SARAF: variants seen among roughly 807,000 people sequenced by gnomAD.
SARAF encodes the protein store-operated calcium entry associated regulatory factor.
A neutral mutation model predicts 39.7 loss-of-function variants in SARAF; 23 were observed. The ratio of observed to expected loss-of-function variants is 0.58; its 90% CI spans 0.42 to 0.82. The LOEUF (loss-of-function observed/expected upper bound fraction) is 0.82, where lower values mean the gene tolerates loss of function less well. Ranked by LOEUF, SARAF falls within the 40% of genes least tolerant of loss-of-function variation. The probability of loss-of-function intolerance (pLI) is 0.00; values close to 1 mark genes in which losing one functional copy is unlikely to be tolerated. For missense variants in SARAF, 384 were observed against 418.5 expected (o/e 0.92, Z 0.72); for synonymous variants, 175 against 168.5 (o/e 1.04, Z -0.30).
chr8:30,069,744 A>G lies in SARAF; in HGVS notation c.598T>C (p.Ser200Pro). 6.2e-7 allele frequency: 1 copy of G among 1,614,124 alleles called. No individual in the cohort carries two copies. The highest frequency in any genetic ancestry group is 2.2e-5 in the East Asian group (1 of 44,872). ...YKLFLSDGQY[S>P]PPPYSEYPPF... ...GGATACTCAGAGTACGGTGGAGGAG[A>G]ATACTGCCCGTCACTCAGGAACAGC... The change falls in exon 3 of 6, where the codon TCT becomes CCT. Residue 200 changes from serine (S) to proline (P), a missense_variant. By Grantham distance (74) the Ser-to-Pro change is moderately conservative. Coordinates refer to ENST00000256255, the MANE Select transcript of SARAF (RefSeq NM_016127.6).
intron 1 of SARAF, chr8:30,082,337 CA>C (rs55898226): frequency 0.93 from 130,585 of 140,284 alleles, 60,957 homozygotes; most frequent in Non-Finnish European, 0.98. Flanking sequence ...GACTCCGACT[CA>C]AAAAAAAAAA....
intron 3 of SARAF, 81 bp from the exon 4 acceptor site, chr8:30,066,999 T>A: frequency 1.4e-6 from 2 of 1,388,508 alleles, no homozygotes; most frequent in Non-Finnish European, 2.0e-6. Flanking sequence ...ACATTTCAAT[T>A]ATTTCATCTG....
intron 1 of SARAF, among the ~76,000 whole-genome samples, chr8:30,080,696 G>A (rs1802077450): frequency 6.6e-6 from 1 of 152,158 alleles, no homozygotes; most frequent in South Asian, 2.1e-4. Flanking sequence ...TCTTTAGAAT[G>A]GTGCTAATTT....
chr8:30,082,527 G>T, intron 1 of SARAF: 1 of 263,230 alleles, frequency 3.8e-6, no homozygotes, highest in Non-Finnish European at 7.3e-6. Flanking sequence ...GCGCAGGTGA[G>T]TGTCCAGCTC....
chr8:30,075,100 A>G (rs1044733051), intron 1 of SARAF, among the ~76,000 whole-genome samples: 1 of 152,140 alleles, frequency 6.6e-6, no homozygotes, highest in Admixed American at 6.5e-5. Flanking sequence ...CAGGAGTTCG[A>G]GACCAGCCTA....
At chr8:30,074,456 C>T (rs1464033516) in intron 1 of SARAF, among the ~76,000 whole-genome samples, 1 of 152,138 alleles carries the variant, frequency 6.6e-6, no homozygotes, top group African/African-American at 2.4e-5. Flanking sequence ...AAGAAATTAA[C>T]ACATTCTGAC....
intron 1 of SARAF, among the ~76,000 whole-genome samples, chr8:30,076,625 A>G (rs533781722): frequency 6.6e-6 from 1 of 152,354 alleles, no homozygotes; most frequent in Admixed American, 6.5e-5. Flanking sequence ...TTAATCCCCA[A>G]TGCAACAGTG....
chr8:30,069,376 G>A (rs1343609110), intron 3 of SARAF, among the ~76,000 whole-genome samples: 4 of 152,018 alleles, frequency 2.6e-5, no homozygotes, highest in Non-Finnish European at 4.4e-5. Flanking sequence ...CCAACCTCAA[G>A]TGATCTGCCC....
Position 30,083,046 on chromosome 8 carries a change from TGGC to T in SARAF, c.-100_-98del. ...CGCTGCGCAGCTACACCGCTACCCC[TGGC>T]GGCGGCGAAGGAACGGCCCGACTGC... On this transcript the variant is annotated 5_prime_UTR_variant, in exon 1 of 6. Coordinates refer to ENST00000256255, the MANE Select transcript of SARAF (RefSeq NM_016127.6). 1 of 925,772 alleles carries T rather than the reference TGGC, an allele frequency of 1.1e-6. No individual in the cohort carries two copies. Among genetic ancestry groups the T allele is most frequent in the Non-Finnish European group, 1.6e-6 (1 of 640,604 alleles). 57.3% of individuals were successfully genotyped at this position (925,772 alleles called of 1,614,324 possible).
At chr8:30,076,064 G>C (rs1230210927) in intron 1 of SARAF, among the ~76,000 whole-genome samples, 4 of 148,236 alleles carry the variant, frequency 2.7e-5, no homozygotes, top group Non-Finnish European at 5.9e-5. Flanking sequence ...ACTACAGGGT[G>C]AAAGCTACTT....
chr8:30,081,322 T>G (rs994060713), intron 1 of SARAF, among the ~76,000 whole-genome samples: 8 of 152,204 alleles, frequency 5.3e-5, no homozygotes, highest in African/African-American at 1.9e-4. Context: ...TTCATAGTTT[T>G]TATAGTTCTT....
At chr8:30,082,711 G>T in intron 1 of SARAF, 136 bp downstream of exon 1, 1 of 626,362 alleles carries the variant, frequency 1.6e-6, no homozygotes, top group Non-Finnish European at 2.7e-6. Flanking sequence ...AGCACGAACA[G>T]CAAAGAGGTC....
Position 30,063,826 on chromosome 8 carries a change from A to AG in SARAF, c.*61_*62insC. 6.9e-7 allele frequency: 1 copy of AG among 1,444,038 alleles called. No homozygotes were observed. Among genetic ancestry groups the AG allele is most frequent in the East Asian group, 2.3e-5 (1 of 43,988 alleles). 89.5% of individuals were successfully genotyped at this position (1,444,038 alleles called of 1,614,324 possible). ...TGTTAACAGGTAGTACTTTTTTTCTAAAGAGAAAGTGATGAAAAATCCAAA... is the reference window on the plus strand; with the variant it reads ...TGTTAACAGGTAGTACTTTTTTTCTAGAAGAGAAAGTGATGAAAAATCCAAA... On this transcript the variant is annotated 3_prime_UTR_variant, in exon 6 of 6. Coordinates refer to ENST00000256255, the MANE Select transcript of SARAF (RefSeq NM_016127.6).
chr8:30,077,920 T>A (rs1262916740), intron 1 of SARAF, among the ~76,000 whole-genome samples: 1 of 151,718 alleles, frequency 6.6e-6, no homozygotes, highest in African/African-American at 2.4e-5. Flanking sequence ...GGCAGGCAGA[T>A]CACAAGGTCA....
In SARAF at chr8:30,069,923, T is replaced by C. The variant is rs1801794940; in HGVS notation, c.419A>G (p.Glu140Gly). 1.2e-6 allele frequency: 2 copies of C among 1,613,914 alleles called. No individual in the cohort carries two copies. Among genetic ancestry groups the C allele is most frequent in the Admixed American group, 1.7e-5 (1 of 59,990 alleles). The change falls in exon 3 of 6, where the codon GAA (glutamate) becomes GGA (glycine). Residue 140 changes from glutamate to glycine, a missense_variant. Physicochemically the swap from Glu to Gly is moderately conservative, Grantham distance 98. Coordinates refer to ENST00000256255, the MANE Select transcript of SARAF (RefSeq NM_016127.6). ...CGLEYNLDYT[E>G]LGLQKLKESG... is the part of the protein sequence containing the mutation. ...CTCCTTCAGTTTCTGCAGGCCAAGT[T>C]CTGTATAATCTAAATTATACTCCAA... is the stretch of plus-strand genomic sequence containing the variant.
intron 1 of SARAF, 141 bp downstream of exon 1, chr8:30,082,706 G>T: frequency 5.0e-6 from 3 of 601,582 alleles, no homozygotes; most frequent in South Asian, 2.3e-5. Context: ...GGGAGAGCAC[G>T]AACAGCAAAG....
Position 30,069,769 on chromosome 8 carries a change from C to T in SARAF, c.573G>A (p.Lys191=), listed in dbSNP as rs887115825. 4 of 1,614,150 alleles carry T rather than the reference C, an allele frequency of 2.5e-6. No homozygotes were observed. In the African/African-American group the frequency reaches 5.3e-5, roughly 22 times the overall value. Residue 191 remains lysine, a synonymous_variant, in exon 3 of 6, where the codon AAG becomes AAA. Coordinates refer to ENST00000256255, the MANE Select transcript of SARAF (RefSeq NM_016127.6). The part of the protein sequence containing the change: ...VLLGIAFVVY[K]LFLSDGQYSP... ...AATACTGCCCGTCACTCAGGAACAG[C>T]TTATAGACTACAAACGCGATCCCAA...
At chr8:30,071,101 G>A (rs542205370) in intron 2 of SARAF, among the ~76,000 whole-genome samples, 12 of 152,320 alleles carry the variant, frequency 7.9e-5, no homozygotes, top group Admixed American at 3.9e-4. Context: ...AGCACTTTGG[G>A]AGGCCAAGGT....
chr8:30,065,409 C>T (rs1277330024), intron 5 of SARAF, among the ~76,000 whole-genome samples: 1 of 152,080 alleles, frequency 6.6e-6, no homozygotes, highest in Non-Finnish European at 1.5e-5. Context: ...ATATATTTTT[C>T]TATCAATTTC....
Sources: allele counts gnomAD v4.1 joint callset (sites outside exome capture counted in the v4.1 genomes callset), GRCh38; gene constraint gnomAD v4.1.1; transcripts MANE v1.5; gene names NCBI Gene and HGNC (gene_info 2026-07-23, HGNC 2026-07-21).